BNIP3L: variants seen among roughly 807,000 people sequenced by gnomAD.
The protein encoded by BNIP3L is BCL2 interacting protein 3 like.
A neutral mutation model predicts 25.5 loss-of-function variants in BNIP3L; 10 were observed. The observed-to-expected ratio is 0.39, with a 90% confidence interval of 0.24 to 0.67. BNIP3L has a LOEUF of 0.67. BNIP3L is among the 30% of genes least tolerant of loss of function. The pLI, the probability that BNIP3L is intolerant of heterozygous loss-of-function variation, is 0.45. For synonymous variants in BNIP3L, 113 were observed against 101.2 expected (o/e 1.12, Z -0.70); for missense variants, 215 against 270.9 (o/e 0.79, Z 1.45).
At chr8:26,395,748 C>T (rs979759763) in intron 3 of BNIP3L, 5 of 172,026 alleles carry the variant, frequency 2.9e-5, no homozygotes, top group Non-Finnish European at 5.0e-5. Context: ...AGACAGTGGG[C>T]GCAGGCCAGT....
chr8:26,391,456 C>T, intron 2 of BNIP3L, 30 bp downstream of exon 2: 1 of 1,491,824 alleles, frequency 6.7e-7, no homozygotes, highest in Non-Finnish European at 9.0e-7. Flanking sequence ...TGGTGGAATT[C>T]AGGAAACAGG....
In BNIP3L at chr8:26,393,587, G is replaced by A. The variant is rs117124736; in HGVS notation, c.285-1643G>A. Reference sequence around the variant, plus strand: ...TAGGAGGAGTAAACAGTTTAGAGAAGAGGTTGGTACCAGTGTGAAGAAGCA... The same window carrying A: ...TAGGAGGAGTAAACAGTTTAGAGAAAAGGTTGGTACCAGTGTGAAGAAGCA... On this transcript the variant is annotated intron_variant, in intron 2 of 5. Transcript: ENST00000380629. Among the ~76,000 whole-genome samples, 626 of 152,022 alleles carry A rather than the reference G, an allele frequency of 4.1e-3. 2 individuals are homozygous for A. Among genetic ancestry groups the A allele is most frequent in the Admixed American group, 0.01 (155 of 15,260 alleles).
intron 1 of BNIP3L, chr8:26,390,228 A>T (rs1806073644): frequency 3.9e-6 from 2 of 513,134 alleles, no homozygotes; most frequent in Non-Finnish European, 5.0e-6. Context: ...TGCTGGGATT[A>T]CATGTGTGAG....
Position 26,383,080 on chromosome 8 carries a change from G to C in BNIP3L, c.-51G>C, listed in dbSNP as rs1010268546. 6.0e-6 allele frequency: 9 copies of C among 1,491,994 alleles called. No individual in the cohort carries two copies. Among genetic ancestry groups the C allele is most frequent in the African/African-American group, 1.4e-5 (1 of 71,894 alleles). 92.4% of individuals were successfully genotyped at this position (1,491,994 alleles called of 1,614,324 possible). A position where few individuals can be genotyped will look rare whatever the true frequency, so the allele number is the denominator to read the frequency against. On this transcript the variant is annotated 5_prime_UTR_variant, in exon 1 of 6. Coordinates refer to ENST00000380629, the MANE Select transcript of BNIP3L (RefSeq NM_004331.3). ...GACTCGGCTTGTTGTGTTGCTGCCT[G>C]AGTGCCGGAGACGGTCCTGCTGCTG... is the stretch of plus-strand genomic sequence containing the variant.
At position 26,391,393 on chromosome 8, in the gene BNIP3L, A is replaced by G; in HGVS notation, c.251A>G (p.Gln84Arg). 5 of 1,583,482 alleles carry G rather than the reference A, an allele frequency of 3.2e-6. No individual in the cohort carries two copies. The highest frequency in any genetic ancestry group is 4.3e-6 in the Non-Finnish European group (5 of 1,164,798). Reference sequence around the variant, plus strand: ...TTGGATGCACAACATGAATCAGGACAGAGTAGTTCCAGAGGCAGTTCTCAC... The same window carrying G: ...TTGGATGCACAACATGAATCAGGACGGAGTAGTTCCAGAGGCAGTTCTCAC... ...ILLDAQHESG[Q>R]SSSRGSSHCD... Residue 84 changes from glutamine (Q) to arginine (R), a missense_variant, in exon 2 of 6, where the codon CAG (glutamine) becomes CGG (arginine). Physicochemically the swap from Gln to Arg is conservative, Grantham distance 43. Transcript: ENST00000380629.
chr8:26,389,739 G>T (rs567862299), intron 1 of BNIP3L, among the ~76,000 whole-genome samples: 1 of 152,344 alleles, frequency 6.6e-6, no homozygotes, highest in East Asian at 1.9e-4. Flanking sequence ...GGAAGCTGAA[G>T]CTCAGGTCAC....
intron 3 of BNIP3L, among the ~76,000 whole-genome samples, chr8:26,403,532 T>C (rs1246134333): frequency 0.1 from 1 of 10 alleles, no homozygotes; most frequent in Non-Finnish European, 0.25. Flanking sequence ...ACTCAGTTTC[T>C]TTTTTTTTTT....
intron 2 of BNIP3L, among the ~76,000 whole-genome samples, chr8:26,392,582 G>A (rs901296268): frequency 4.1e-5 from 6 of 145,494 alleles, no homozygotes; most frequent in East Asian, 2.2e-4. Flanking sequence ...CGCCACCCCC[G>A]TGTCATCCCT....
At position 26,391,299 on chromosome 8, in the gene BNIP3L, A is replaced by G. The variant is rs1806105236; in HGVS notation, c.157A>G (p.Lys53Glu). ...SSNGNDNGNG[K>E]NGGLEHVPSS... Reference sequence around the variant, plus strand: ...CAATGGCAATGATAATGGCAATGGGAAAAATGGGGGGCTGGAACACGTACC... The same window carrying G: ...CAATGGCAATGATAATGGCAATGGGGAAAATGGGGGGCTGGAACACGTACC... The change falls in exon 2 of 6, where the codon AAA becomes GAA. Residue 53 changes from lysine (K) to glutamate (E), a missense_variant. By Grantham distance (56) the Lys-to-Glu change is moderately conservative (BLOSUM62 1). Around this residue, in one of 4 missense-constraint regions of BNIP3L, gnomAD observed 36 missense variants for 75.2 expected, o/e 0.48. Transcript: ENST00000380629. 4 of 1,611,360 alleles carry G rather than the reference A, an allele frequency of 2.5e-6. No homozygotes were observed. Among genetic ancestry groups the G allele is most frequent in the Non-Finnish European group, 3.4e-6 (4 of 1,178,866 alleles).
rs536570811 is a variant in BNIP3L at position 26,404,005 on chromosome 8, A to G, written c.358-3995A>G. ...TCTGTGGCCCTTGTTCTTTCTACTGAACTAAGTAAATGAATTCGATTGATA... is the reference window on the plus strand; with the variant it reads ...TCTGTGGCCCTTGTTCTTTCTACTGGACTAAGTAAATGAATTCGATTGATA... On this transcript the variant is annotated intron_variant, in intron 3 of 5. Coordinates refer to ENST00000380629, the MANE Select transcript of BNIP3L (RefSeq NM_004331.3). Among the ~76,000 whole-genome samples the G allele has an allele frequency of 3.9e-5, 6 of 152,330 alleles. No homozygotes were observed. In the East Asian group the frequency reaches 9.6e-4, roughly 24 times the overall value.
chr8:26,393,313 G>A (rs1043764698), intron 2 of BNIP3L, among the ~76,000 whole-genome samples: 1 of 149,712 alleles, frequency 6.7e-6, no homozygotes, highest in African/African-American at 2.5e-5. Flanking sequence ...TATTTGTGTT[G>A]CCGCAGGGGT....
intron 1 of BNIP3L, among the ~76,000 whole-genome samples, chr8:26,384,899 G>A (rs1004509150): frequency 1.3e-5 from 2 of 152,018 alleles, no homozygotes; most frequent in African/African-American, 4.8e-5. Context: ...GTTTCGCCAT[G>A]TAGCTGGGAT....
chr8:26,410,670 C>T lies in BNIP3L; in HGVS notation c.*258C>T, dbSNP rs1217307406. On this transcript the variant is annotated 3_prime_UTR_variant, in exon 6 of 6. Transcript: ENST00000380629. ...ACTGTTGTTTAGAAATTTGCAAGGG[C>T]TTCTTTTCCGCAAATGCCACCAGCA... 2.1e-6 allele frequency: 1 copy of T among 474,838 alleles called. No individual in the cohort carries two copies. Among genetic ancestry groups the T allele is most frequent in the African/African-American group, 2.0e-5 (1 of 51,114 alleles). The allele number at this position is 474,838 out of a possible 1,614,324, so 29.4% of individuals were successfully genotyped here. A position where few individuals can be genotyped will look rare whatever the true frequency, so the allele number is the denominator to read the frequency against.
intron 3 of BNIP3L, among the ~76,000 whole-genome samples, chr8:26,400,362 A>G (rs1236059443): frequency 1.1e-4 from 14 of 132,906 alleles, no homozygotes; most frequent in African/African-American, 4.0e-4. Flanking sequence ...GGCTAGCCAT[A>G]TGTAGAAAGC....
At chr8:26,408,480 TG>T in intron 5 of BNIP3L, 104 bp downstream of exon 5, 2 of 1,336,770 alleles carry the variant, frequency 1.5e-6, no homozygotes, top group Non-Finnish European at 2.1e-6. Flanking sequence ...TTACTTTCAA[TG>T]TTTTAGTGCA....
At position 26,411,542 on chromosome 8, in the gene BNIP3L, T is replaced by G. The variant is rs1321027436; in HGVS notation, c.*1130T>G. 1.3e-5 allele frequency: 2 copies of G among 152,362 alleles called. No homozygotes were observed. The highest frequency in any genetic ancestry group is 3.8e-4 in the East Asian group (2 of 5,204). 9.4% of individuals were successfully genotyped at this position (152,362 alleles called of 1,614,324 possible). A position where few individuals can be genotyped will look rare whatever the true frequency, so the allele number is the denominator to read the frequency against. On this transcript the variant is annotated 3_prime_UTR_variant, in exon 6 of 6. Transcript: ENST00000380629. ...TTCTGATCTCTCACTGAATAATGTT[T>G]ACTGTACAGTCTTCCCAAGGTGATT...
chr8:26,383,064 T>A lies in BNIP3L; in HGVS notation c.-67T>A. The A allele has an allele frequency of 5.6e-6, 8 of 1,440,304 alleles. No homozygotes were observed. Among genetic ancestry groups the A allele is most frequent in the South Asian group, 1.2e-5 (1 of 81,464 alleles). 89.2% of individuals were successfully genotyped at this position (1,440,304 alleles called of 1,614,324 possible). ...AGAAAAGGGGGCGGCGGACTCGGCT[T>A]GTTGTGTTGCTGCCTGAGTGCCGGA... On this transcript the variant is annotated 5_prime_UTR_variant, in exon 1 of 6. Coordinates refer to ENST00000380629, the MANE Select transcript of BNIP3L (RefSeq NM_004331.3).
At chr8:26,386,426 T>G (rs1368320327) in intron 1 of BNIP3L, among the ~76,000 whole-genome samples, 1 of 152,140 alleles carries the variant, frequency 6.6e-6, no homozygotes, top group Non-Finnish European at 1.5e-5. Context: ...TCAAATTTTC[T>G]TGTTCTTTTT....
At chr8:26,392,823 C>A (rs985118449) in intron 2 of BNIP3L, among the ~76,000 whole-genome samples, 10 of 152,080 alleles carry the variant, frequency 6.6e-5, no homozygotes, top group Non-Finnish European at 1.3e-4. Context: ...GGTGTGTGGG[C>A]CTTGATCATT....
Sources: gnomAD v4.1 joint callset for allele counts (sites outside exome capture counted in the v4.1 genomes callset) on GRCh38, gnomAD v4.1.1 for gene constraint, gnomAD v4.1.1 regional missense constraint, MANE v1.5 for transcripts, NCBI Gene and HGNC (gene_info 2026-07-23, HGNC 2026-07-21) for gene names.